SLIT3: variants seen among roughly 807,000 people sequenced by gnomAD.
SLIT3 encodes the protein slit guidance ligand 3.
In SLIT3, 68 loss-of-function variants were observed where a neutral mutation model predicts 184.0. That is an observed-to-expected ratio of 0.37 (90% CI 0.30 to 0.45). SLIT3 has a LOEUF of 0.45. Among genes scored for constraint, SLIT3 ranks in the 20% least tolerant of loss-of-function variants. The probability of loss-of-function intolerance (pLI) is 1.00; values close to 1 mark genes in which losing one functional copy is unlikely to be tolerated. For missense variants in SLIT3, 1,707 were observed against 2,026.0 expected, an observed-to-expected ratio of 0.84 and a Z score of 3.02; for synonymous variants, 831 against 828.6, an observed-to-expected ratio of 1.00 and a Z score of -0.05.
chr5:169,163,254 G>A (rs1762535705), intron 4 of SLIT3, among the ~76,000 whole-genome samples: 1 of 152,138 alleles, frequency 6.6e-6, no homozygotes, highest in African/African-American at 2.4e-5. Context: ...CTGGGAGGCG[G>A]AGGTTGCAGT....
intron 4 of SLIT3, among the ~76,000 whole-genome samples, chr5:168,939,102 TGC>T (rs1762252917): frequency 1.3e-5 from 2 of 152,186 alleles, no homozygotes; most frequent in Non-Finnish European, 1.5e-5. Context: ...GGGAGAAGCA[TGC>T]GAGGAACCGG....
intron 4 of SLIT3, among the ~76,000 whole-genome samples, chr5:169,081,014 C>A (rs1220495235): frequency 6.6e-6 from 1 of 152,226 alleles, no homozygotes; most frequent in African/African-American, 2.4e-5. Flanking sequence ...ACAGAGAGCA[C>A]TGTGGCTGCC....
At chr5:168,681,955 G>A (rs527332103) in intron 32 of SLIT3, among the ~76,000 whole-genome samples, 3 of 152,344 alleles carry the variant, frequency 2.0e-5, no homozygotes, top group South Asian at 4.1e-4. Context: ...TGGGAAGGGG[G>A]AGGGGGAAAA....
At chr5:168,820,649 G>A (rs994083241) in intron 7 of SLIT3, among the ~76,000 whole-genome samples, 49 of 152,302 alleles carry the variant, frequency 3.2e-4, no homozygotes, top group African/African-American at 8.9e-4. Flanking sequence ...CTGTAGCACC[G>A]AGGTGGCTAG....
At chr5:168,776,633 T>G (rs17070453) in intron 12 of SLIT3, among the ~76,000 whole-genome samples, 12,086 of 152,214 alleles carry the variant, frequency 0.079, 1,601 homozygotes, top group African/African-American at 0.27. Flanking sequence ...CTACCCATCC[T>G]ATCGGTCTAT....
At position 168,988,507 on chromosome 5, in the gene SLIT3, G is replaced by A. The variant is rs114745465; in HGVS notation, c.414-105171C>T. On this transcript the variant is annotated intron_variant, in intron 4 of 35. Coordinates refer to ENST00000519560, the MANE Select transcript of SLIT3 (RefSeq NM_003062.4). ...CTCTCAGCTCTTTCCAAGGGCTCCC[G>A]ACCACTTGGAGCTGCAGGGTATAGA... Among the ~76,000 whole-genome samples the A allele has an allele frequency of 4.0e-3, 614 of 152,168 alleles. 5 individuals are homozygous for A. The highest frequency in any genetic ancestry group is 0.014 in the African/African-American group (580 of 41,516).
At chr5:168,765,305 T>G (rs1448810916) in intron 14 of SLIT3, among the ~76,000 whole-genome samples, 1 of 152,226 alleles carries the variant, frequency 6.6e-6, no homozygotes, top group Non-Finnish European at 1.5e-5. Context: ...ATGGAGCCGC[T>G]GACCCATTTT....
At chr5:169,026,296 T>C (rs1225866418) in intron 4 of SLIT3, 3 of 152,220 alleles carry the variant, frequency 2.0e-5, no homozygotes, top group African/African-American at 7.2e-5. Flanking sequence ...AAGTATGTTG[T>C]TTTGCCATTT....
At chr5:169,055,889 A>G (rs1432891841) in intron 4 of SLIT3, among the ~76,000 whole-genome samples, 1 of 152,158 alleles carries the variant, frequency 6.6e-6, no homozygotes, top group African/African-American at 2.4e-5. Flanking sequence ...GACAGTGTTC[A>G]AAACAGGGAG....
At chr5:168,667,114 T>A (rs1210279562) in intron 35 of SLIT3, among the ~76,000 whole-genome samples, 4 of 152,170 alleles carry the variant, frequency 2.6e-5, no homozygotes, top group Non-Finnish European at 5.9e-5. Flanking sequence ...ATTTCTGCCT[T>A]CCTTGAAAAC....
chr5:169,151,830 G>A (rs1404455532), intron 4 of SLIT3, among the ~76,000 whole-genome samples: 1 of 152,192 alleles, frequency 6.6e-6, no homozygotes, highest in African/African-American at 2.4e-5. Context: ...GCAAACTGGT[G>A]AAGGCTTTGG....
intron 1 of SLIT3, among the ~76,000 whole-genome samples, chr5:169,269,270 T>C (rs543193825): frequency 9.9e-5 from 15 of 152,256 alleles, no homozygotes; most frequent in African/African-American, 3.6e-4. Context: ...TTAACCACTC[T>C]GACTTATATA....
At chr5:169,126,482 T>G (rs1268291975) in intron 4 of SLIT3, among the ~76,000 whole-genome samples, 1 of 152,222 alleles carries the variant, frequency 6.6e-6, no homozygotes, top group South Asian at 2.1e-4. Context: ...ATAAGAGAAA[T>G]GTCTTTGATT....
chr5:168,876,493 G>A (rs1759735286), intron 5 of SLIT3, among the ~76,000 whole-genome samples: 1 of 152,082 alleles, frequency 6.6e-6, no homozygotes, highest in South Asian at 2.1e-4. Flanking sequence ...CTATACTCCA[G>A]CCACAAATCT....
At chr5:169,261,991 C>G (rs1766205135) in intron 1 of SLIT3, among the ~76,000 whole-genome samples, 1 of 152,164 alleles carries the variant, frequency 6.6e-6, no homozygotes, top group South Asian at 2.1e-4. Context: ...GAACCTGAAG[C>G]CTTCTAATAG....
intron 4 of SLIT3, among the ~76,000 whole-genome samples, chr5:169,089,771 T>G (rs181529963): frequency 6.6e-6 from 1 of 152,216 alleles, no homozygotes; most frequent in African/African-American, 2.4e-5. Flanking sequence ...CTTCACACAC[T>G]TGCCAGTGTT....
At chr5:169,172,417 C>G (rs1253478449) in intron 4 of SLIT3, among the ~76,000 whole-genome samples, 3 of 152,312 alleles carry the variant, frequency 2.0e-5, no homozygotes, top group Non-Finnish European at 2.9e-5. Flanking sequence ...AGTCTATAGT[C>G]AAAAGGTGTT....
rs144638355 is a variant in SLIT3 at position 168,784,096 on chromosome 5, G to GCA, written c.1151+1809_1151+1810dup. On this transcript the variant is annotated intron_variant, in intron 12 of 35. Coordinates refer to ENST00000519560, the MANE Select transcript of SLIT3 (RefSeq NM_003062.4). ...TGTGTGCAAAGCCATTTTCCTTCCT[G>GCA]CACACACACACACACAGATTATAAA... is the stretch of plus-strand genomic sequence containing the variant. Among the ~76,000 whole-genome samples the GCA allele has an allele frequency of 7.4e-3, 1,119 of 150,864 alleles. 9 individuals are homozygous for GCA. The highest frequency in any genetic ancestry group is 0.024 in the African/African-American group (987 of 41,154).
At position 169,236,485 on chromosome 5, in the gene SLIT3, T is replaced by G. The variant is rs923640900; in HGVS notation, c.341+8220A>C. On this transcript the variant is annotated intron_variant, in intron 3 of 35. Transcript: ENST00000519560. ...AGAAAAGTGTTTTGTTTTGTTTTTTTTTTTTTTGACTGAATCTCCCTGTCA... is the reference window on the plus strand; with the variant it reads ...AGAAAAGTGTTTTGTTTTGTTTTTTGTTTTTTTGACTGAATCTCCCTGTCA... Among the ~76,000 whole-genome samples, 227 of 152,102 alleles carry G rather than the reference T, an allele frequency of 1.5e-3. 1 individual carries two copies. Among genetic ancestry groups the G allele is most frequent in the African/African-American group, 4.9e-3 (204 of 41,504 alleles).
Sources: gnomAD v4.1 joint callset for allele counts (sites outside exome capture counted in the v4.1 genomes callset) on GRCh38, gnomAD v4.1.1 for gene constraint, MANE v1.5 for transcripts, NCBI Gene and HGNC (gene_info 2026-07-23, HGNC 2026-07-21) for gene names.